HIPK3: variants seen among roughly 807,000 people sequenced by gnomAD.
HIPK3 encodes the protein homeodomain-interacting protein kinase 3.
In HIPK3, 47 loss-of-function variants were observed where a neutral mutation model predicts 124.2. The observed-to-expected ratio is 0.38, with a 90% CI of 0.30 to 0.48. The LOEUF is 0.48. Ranked by LOEUF, HIPK3 falls within the 20% of genes least tolerant of loss-of-function variation. The probability of loss-of-function intolerance (pLI) is 0.98; values close to 1 mark genes in which losing one functional copy is unlikely to be tolerated. For synonymous variants in HIPK3, 482 were observed against 515.2 expected (o/e 0.94, Z 0.87); for missense variants, 1,286 against 1,454.3 (o/e 0.88, Z 1.88).
chr11:33,277,992 C>T (rs929304751), intron 1 of HIPK3, among the ~76,000 whole-genome samples: 9 of 152,128 alleles, frequency 5.9e-5, no homozygotes, highest in African/African-American at 2.2e-4. Flanking sequence ...TTGCAAATAA[C>T]TTCTCTATGT....
At chr11:33,344,753 A>C (rs972173863) in intron 8 of HIPK3, among the ~76,000 whole-genome samples, 3 of 152,226 alleles carry the variant, frequency 2.0e-5, no homozygotes, top group Non-Finnish European at 2.9e-5. Flanking sequence ...GCAACAGGCC[A>C]GGCAGGCTCT....
At chr11:33,279,977 C>T (rs1261963585) in intron 1 of HIPK3, among the ~76,000 whole-genome samples, 1 of 152,086 alleles carries the variant, frequency 6.6e-6, no homozygotes, top group African/African-American at 2.4e-5. Flanking sequence ...TTCTTAATAC[C>T]ATCACTTTTG....
chr11:33,257,740 A>G lies in HIPK3; in HGVS notation c.-152A>G. The G allele has an allele frequency of 1.0e-6, 1 of 988,646 alleles. No individual in the cohort carries two copies. Among genetic ancestry groups the G allele is most frequent in the Non-Finnish European group, 1.2e-6 (1 of 832,174 alleles). 61.2% of individuals were successfully genotyped at this position (988,646 alleles called of 1,614,324 possible). Reference sequence around the variant, plus strand: ...CTCTCAGCCGCCAGGACAAGATGGCAGCGGCCGCGGAGAGGGGCTGAGCCC... The same window carrying G: ...CTCTCAGCCGCCAGGACAAGATGGCGGCGGCCGCGGAGAGGGGCTGAGCCC... On this transcript the variant is annotated 5_prime_UTR_variant, in exon 1 of 17. Transcript: ENST00000303296.
chr11:33,257,204 G>A (rs561247365), upstream of HIPK3: 2 of 981,966 alleles, frequency 2.0e-6, no homozygotes, highest in Non-Finnish European at 1.2e-6. Context: ...GGGCAACAAG[G>A]GCGCGGCTGC....
chr11:33,337,126 G>A lies in HIPK3; in HGVS notation c.1273G>A (p.Val425Met). 6.3e-7 allele frequency: 1 copy of A among 1,596,064 alleles called. No individual in the cohort carries two copies. Among genetic ancestry groups the A allele is most frequent in the Non-Finnish European group, 8.6e-7 (1 of 1,164,886 alleles). Residue 425 changes from valine to methionine, a missense_variant, in exon 4 of 17, where the codon GTG becomes ATG. By Grantham distance (21) the Val-to-Met change is conservative. This residue lies in a region of HIPK3 where 251 missense variants were observed against 349.1 expected (regional missense o/e 0.72). Coordinates refer to ENST00000303296, the MANE Select transcript of HIPK3 (RefSeq NM_005734.5). Reference sequence around the variant, plus strand: ...TTTGCCAGGAGAACAGTTGTTAAATGTGGGTACTAAATCCACAAGATTTTT... The same window carrying A: ...TTTGCCAGGAGAACAGTTGTTAAATATGGGTACTAAATCCACAAGATTTTT... ...QGLPGEQLLNVGTKSTRFFCK... is the reference protein window; with the variant it reads ...QGLPGEQLLNMGTKSTRFFCK...
intron 3 of HIPK3, among the ~76,000 whole-genome samples, chr11:33,331,579 A>G (rs12274084): frequency 0.098 from 14,963 of 152,036 alleles, 1,672 homozygotes; most frequent in African/African-American, 0.28. Flanking sequence ...CTCTTTCTCT[A>G]TGTTGCCCAA....
At position 33,347,598 on chromosome 11, in the gene HIPK3, A is replaced by G. The variant is rs748978125; in HGVS notation, c.2020-31A>G. 5.0e-6 allele frequency: 8 copies of G among 1,604,048 alleles called. No homozygotes were observed. The South Asian group carries it at 8.9e-5, about 18-fold the overall frequency. Reference sequence around the variant, plus strand: ...AAAGTTCAATTACTTATAACTTGTTATTTTCTATTGTTTTGCTTTGCTGCA... The same window carrying G: ...AAAGTTCAATTACTTATAACTTGTTGTTTTCTATTGTTTTGCTTTGCTGCA... On this transcript the variant is annotated intron_variant, in intron 9 of 16. Transcript: ENST00000303296.
At chr11:33,353,066 CAT>C (rs1491189000) in intron 16 of HIPK3, 24 bp from the exon 17 acceptor site, 3 of 1,206,688 alleles carry the variant, frequency 2.5e-6, no homozygotes, top group Admixed American at 2.1e-5. Flanking sequence ...GTTATTCAGT[CAT>C]TTTTTTTTTT....
intron 2 of HIPK3, among the ~76,000 whole-genome samples, chr11:33,323,286 C>T (rs149740594): frequency 1.9e-3 from 285 of 152,238 alleles, no homozygotes; most frequent in Non-Finnish European, 3.0e-3. Flanking sequence ...TCTGGTCGCC[C>T]AGGCTGGAGT....
In HIPK3 at chr11:33,347,697, T is replaced by C. The variant is rs755442690; in HGVS notation, c.2088T>C (p.Ala696=). 4 of 1,614,090 alleles carry C rather than the reference T, an allele frequency of 2.5e-6. No homozygotes were observed. The highest frequency in any genetic ancestry group is 3.4e-6 in the Non-Finnish European group (4 of 1,180,024). The change falls in exon 10 of 17, where the codon GCT becomes GCC. Residue 696 remains alanine, a synonymous_variant. Coordinates refer to ENST00000303296, the MANE Select transcript of HIPK3 (RefSeq NM_005734.5). ...AACAGGTGACACCCCTGGCTCCTGC[T>C]ACTACTACACTAACTTCTGAGAGTG... ...AWQQVTPLAP[A]TTTLTSESVA...
At chr11:33,329,221 G>A (rs1334295232) in intron 3 of HIPK3, among the ~76,000 whole-genome samples, 1 of 152,102 alleles carries the variant, frequency 6.6e-6, no homozygotes, top group Non-Finnish European at 1.5e-5. Context: ...ACAGTGTTGT[G>A]TGCTAGTAGT....
chr11:33,302,189 T>C (rs1414192910), intron 2 of HIPK3, among the ~76,000 whole-genome samples: 2 of 152,170 alleles, frequency 1.3e-5, no homozygotes, highest in South Asian at 2.1e-4. Context: ...TTGTAACTTC[T>C]AGGTTCCTTC....
intron 1 of HIPK3, among the ~76,000 whole-genome samples, chr11:33,261,320 A>T (rs956321136): frequency 6.6e-6 from 1 of 151,816 alleles, no homozygotes; most frequent in African/African-American, 2.4e-5. Flanking sequence ...CTCAGGGACT[A>T]AGCCTAGTGC....
intron 2 of HIPK3, among the ~76,000 whole-genome samples, chr11:33,308,729 G>C (rs1852238889): frequency 7.8e-6 from 1 of 128,570 alleles, no homozygotes; most frequent in African/African-American, 3.1e-5. Flanking sequence ...GTCTCTGCAA[G>C]TATTTCTTTT....
At chr11:33,296,622 A>G in intron 2 of HIPK3, among the ~76,000 whole-genome samples, 1 of 152,216 alleles carries the variant, frequency 6.6e-6, no homozygotes. Flanking sequence ...TTCAAACTTT[A>G]TTATTATTTG....
rs1207856763 is a variant in HIPK3, at chr11:33,347,840, ACTT to A, written c.2145-9_2145-7del. On this transcript the variant is annotated splice_polypyrimidine_tract_variant and intron_variant, in intron 10 of 16. Transcript: ENST00000303296. ...ATCTTGATTAAAAACATTGTTCTGA[ACTT>A]CTCCCTAGGAAGATGATTTCATGCA... 1 of 1,614,008 alleles carries A rather than the reference ACTT, an allele frequency of 6.2e-7. No homozygotes were observed. The highest frequency in any genetic ancestry group is 1.1e-5 in the South Asian group (1 of 91,076).
At chr11:33,292,230 A>G (rs529788984) in intron 2 of HIPK3, among the ~76,000 whole-genome samples, 1 of 152,340 alleles carries the variant, frequency 6.6e-6, no homozygotes, top group East Asian at 1.9e-4. Context: ...GACTTATGTA[A>G]GTCAGACAGG....
At chr11:33,265,639 TG>T (rs1850934496) in intron 1 of HIPK3, among the ~76,000 whole-genome samples, 1 of 151,104 alleles carries the variant, frequency 6.6e-6, no homozygotes, top group African/African-American at 2.4e-5. Context: ...CTGGGCATGG[TG>T]GTGTGCACCT....
intron 2 of HIPK3, among the ~76,000 whole-genome samples, chr11:33,300,258 A>G (rs1382528863): frequency 2.6e-5 from 4 of 151,946 alleles, no homozygotes; most frequent in Non-Finnish European, 5.9e-5. Context: ...AGGCAGGAGA[A>G]TCGCTTGAAC....
Sources: allele counts gnomAD v4.1 joint callset (sites outside exome capture counted in the v4.1 genomes callset), GRCh38; gene constraint gnomAD v4.1.1; regional missense constraint gnomAD v4.1.1; transcripts MANE v1.5; gene names NCBI Gene and HGNC (gene_info 2026-07-23, HGNC 2026-07-21).